TRA2B: variants seen among roughly 807,000 people sequenced by gnomAD.
The protein encoded by TRA2B is transformer 2 beta homolog.
In TRA2B, 14 loss-of-function variants were observed where a neutral mutation model predicts 41.7. The ratio of observed to expected loss-of-function variants is 0.34; its 90% CI spans 0.22 to 0.53. TRA2B has a LOEUF of 0.53. TRA2B is among the 20% of genes least tolerant of loss of function. The pLI is 0.95. For missense variants in TRA2B, 167 were observed against 396.8 expected (o/e 0.42, Z 4.92); for synonymous variants, 130 against 128.8 (o/e 1.01, Z -0.06).
At position 185,926,678 on chromosome 3, in the gene TRA2B, C is replaced by T. The variant is rs866734255; in HGVS notation, c.93G>A (p.Arg31=). Reference sequence around the variant, plus strand: ...TGGAGCGAGACCTTGCAGGGGTATGCCTTGCAGATTTCCCCGATCCGTGAG... The same window carrying T: ...TGGAGCGAGACCTTGCAGGGGTATGTCTTGCAGATTTCCCCGATCCGTGAG... ...GSAHGSGKSA[R]HTPARSRSKE... is the part of the protein sequence containing the mutation. The change falls in exon 2 of 9, where the codon AGG becomes AGA. Residue 31 remains arginine (R), a synonymous_variant. Transcript: ENST00000453386. 1 of 1,614,016 alleles carries T rather than the reference C, an allele frequency of 6.2e-7. No homozygotes were observed. The highest frequency in any genetic ancestry group is 8.5e-7 in the Non-Finnish European group (1 of 1,180,030).
In TRA2B at chr3:185,925,188, C is replaced by T. The variant is rs185897438; in HGVS notation, c.333+276G>A. 4.2e-3 allele frequency: 1,108 copies of T among 265,522 alleles called. 9 individuals are homozygous for T. Among genetic ancestry groups the T allele is most frequent in the Non-Finnish European group, 5.3e-3 (740 of 139,570 alleles). 16.4% of individuals were successfully genotyped at this position (265,522 alleles called of 1,614,324 possible). A position where few individuals can be genotyped will look rare whatever the true frequency, so the allele number is the denominator to read the frequency against. ...TATATTTTGAACTAATGTACTAATA[C>T]TATACTACAGTATAGTAATGCAGTC... On this transcript the variant is annotated intron_variant, in intron 3 of 8. Transcript: ENST00000453386.
chr3:185,926,855 T>A, intron 1 of TRA2B, 121 bp from the exon 2 acceptor site: 2 of 1,247,724 alleles, frequency 1.6e-6, no homozygotes, highest in Non-Finnish European at 2.2e-6. Context: ...AAAATATAGG[T>A]AAGGGCAGGA....
chr3:185,919,832 G>C (rs1238457372), intron 6 of TRA2B, among the ~76,000 whole-genome samples: 2 of 152,072 alleles, frequency 1.3e-5, no homozygotes, highest in East Asian at 1.9e-4. Context: ...ATAAAATGCT[G>C]AACAATACAC....
chr3:185,937,533 C>A, intron 1 of TRA2B: 1 of 997,096 alleles, frequency 1.0e-6, no homozygotes, highest in Non-Finnish European at 1.3e-6. Flanking sequence ...CCCCCAACAC[C>A]GCGGGGACGC....
chr3:185,935,379 G>A (rs557948866), intron 1 of TRA2B: 2 of 985,424 alleles, frequency 2.0e-6, no homozygotes, highest in African/African-American at 1.7e-5. Flanking sequence ...ACCAACGAGG[G>A]ATGAGGGACA....
chr3:185,917,969 T>C (rs1201325570), intron 8 of TRA2B, among the ~76,000 whole-genome samples: 13 of 152,346 alleles, frequency 8.5e-5, no homozygotes, highest in Admixed American at 7.8e-4. Flanking sequence ...AAGTAATCCA[T>C]GTTTCTGTGC....
At chr3:185,917,812 C>T in intron 8 of TRA2B, 87 bp from the exon 9 acceptor site, 3 of 1,444,674 alleles carry the variant, frequency 2.1e-6, no homozygotes, top group Non-Finnish European at 2.9e-6. Flanking sequence ...GAATATTCTG[C>T]CATTAAGAAA....
At chr3:185,931,480 G>T in intron 1 of TRA2B, 1 of 883,228 alleles carries the variant, frequency 1.1e-6, no homozygotes, top group Non-Finnish European at 1.4e-6. Context: ...CCCCTGGAAG[G>T]CACTTCTTTA....
At chr3:185,936,489 T>C (rs1392529290) in intron 1 of TRA2B, 1 of 985,320 alleles carries the variant, frequency 1.0e-6, no homozygotes, top group Non-Finnish European at 1.2e-6. Context: ...TTAAGCAGTT[T>C]GGGCTCCAAA....
chr3:185,918,212 A>C (rs1057364145), intron 8 of TRA2B, among the ~76,000 whole-genome samples, 153 bp downstream of exon 8: 12 of 152,344 alleles, frequency 7.9e-5, no homozygotes, highest in African/African-American at 2.9e-4. Context: ...TTGTTTCCAC[A>C]AACTTTCTTG....
chr3:185,926,855 T>C, intron 1 of TRA2B, 121 bp from the exon 2 acceptor site: 2 of 1,247,726 alleles, frequency 1.6e-6, no homozygotes, highest in Non-Finnish European at 1.1e-6. Flanking sequence ...AAAATATAGG[T>C]AAGGGCAGGA....
intron 8 of TRA2B, 147 bp from the exon 9 acceptor site, chr3:185,917,872 G>A: frequency 4.1e-6 from 3 of 727,298 alleles, no homozygotes; most frequent in East Asian, 2.7e-5. Context: ...AGACTTCCAT[G>A]TAAGTATTAC....
At chr3:185,935,368 G>C (rs1744308195) in intron 1 of TRA2B, 1 of 985,406 alleles carries the variant, frequency 1.0e-6, no homozygotes, top group Non-Finnish European at 1.2e-6. Flanking sequence ...AAATCCCACA[G>C]ACCAACGAGG....
chr3:185,935,718 CT>C, intron 1 of TRA2B: 1 of 985,366 alleles, frequency 1.0e-6, no homozygotes, highest in Non-Finnish European at 1.2e-6. Context: ...TTCCATTGAG[CT>C]TTATGGTTTT....
chr3:185,923,678 G>T, intron 4 of TRA2B, 118 bp downstream of exon 4: 1 of 938,176 alleles, frequency 1.1e-6, no homozygotes, highest in Non-Finnish European at 1.5e-6. Context: ...ACAAGAGGTT[G>T]GAGAAAAAGT....
chr3:185,917,488 T>C lies in TRA2B; in HGVS notation c.*227A>G. ...AAAATTTAGACTGTAAAAAAATACA[T>C]GCAAAACATACTTTTCTGAAAACAC... On this transcript the variant is annotated 3_prime_UTR_variant, in exon 9 of 9. Transcript: ENST00000453386. The C allele has an allele frequency of 2.1e-6, 1 of 485,096 alleles. No homozygotes were observed. Among genetic ancestry groups the C allele is most frequent in the Non-Finnish European group, 3.7e-6 (1 of 269,658 alleles). 30.0% of individuals were successfully genotyped at this position (485,096 alleles called of 1,614,324 possible).
chr3:185,934,030 C>T (rs1744253356), intron 1 of TRA2B, among the ~76,000 whole-genome samples: 1 of 152,088 alleles, frequency 6.6e-6, no homozygotes, highest in African/African-American at 2.4e-5. Flanking sequence ...AATTTCAAGA[C>T]TGTAATTTGC....
In TRA2B at chr3:185,915,196, C is replaced by A. The variant is rs1048135310; in HGVS notation, c.*2519G>T. 1.3e-5 allele frequency among the ~76,000 whole-genome samples: 2 copies of A among 152,146 alleles called. No homozygotes were observed. The highest frequency in any genetic ancestry group is 1.3e-4 in the Admixed American group (2 of 15,280). On this transcript the variant is annotated 3_prime_UTR_variant, in exon 9 of 9. Coordinates refer to ENST00000453386, the MANE Select transcript of TRA2B (RefSeq NM_004593.3). ...CAGGTCTACAAATCTTTTGACACAG[C>A]CTTATTTCCACTTGCTGGGACCCTG...
chr3:185,930,760 G>A (rs1017317183), intron 1 of TRA2B, among the ~76,000 whole-genome samples: 3 of 152,172 alleles, frequency 2.0e-5, no homozygotes, highest in Non-Finnish European at 4.4e-5. Context: ...CAGGTAACCA[G>A]AATAAAGCTA....
Sources: gnomAD v4.1 joint callset for allele counts (sites outside exome capture counted in the v4.1 genomes callset) on GRCh38, gnomAD v4.1.1 for gene constraint, MANE v1.5 for transcripts, NCBI Gene and HGNC (gene_info 2026-07-23, HGNC 2026-07-21) for gene names.